NF1: variants seen among roughly 807,000 people sequenced by gnomAD.
NF1 encodes neurofibromin 1.
Under a neutral mutation model 325.7 loss-of-function variants are expected in NF1, and 122 were observed. The observed-to-expected ratio is 0.37, with a 90% CI of 0.32 to 0.44. The LOEUF (loss-of-function observed/expected upper bound fraction) is 0.44. NF1 is among the 20% of genes least tolerant of loss of function. NF1 has a pLI of 1.00. For missense variants in NF1, 2,140 were observed against 3,415.4 expected (o/e 0.63, Z 9.31); for synonymous variants, 1,091 against 1,186.0 (o/e 0.92, Z 1.65).
At chr17:31,178,727 A>G (rs975582496) in intron 5 of NF1, among the ~76,000 whole-genome samples, 4 of 152,202 alleles carry the variant, frequency 2.6e-5, no homozygotes, top group African/African-American at 9.7e-5. Flanking sequence ...CTCTGATAAA[A>G]CAGACTTTAA....
chr17:31,213,811 G>A (rs2066772212), intron 12 of NF1, among the ~76,000 whole-genome samples: 1 of 152,142 alleles, frequency 6.6e-6, no homozygotes, highest in Non-Finnish European at 1.5e-5. Flanking sequence ...CTTAAAAGAG[G>A]TGGAGTGCCG....
Position 31,374,198 on chromosome 17 carries a change from C to G in NF1, c.*43C>G, listed in dbSNP as rs2151601804. 2 of 1,612,904 alleles carry G rather than the reference C, an allele frequency of 1.2e-6. No individual in the cohort carries two copies. The highest frequency in any genetic ancestry group is 1.7e-6 in the Non-Finnish European group (2 of 1,179,096). On this transcript the variant is annotated 3_prime_UTR_variant, in exon 58 of 58. Coordinates refer to ENST00000358273, the MANE Select transcript of NF1 (RefSeq NM_001042492.3). ...TTTTAAAATCAACTTAACATGGGCT[C>G]TTCACTAGTGACCCCTTCCCTGTCC...
intron 33 of NF1, among the ~76,000 whole-genome samples, chr17:31,259,568 C>A (rs8079598): frequency 0.019 from 2,887 of 152,124 alleles, 103 homozygotes; most frequent in African/African-American, 0.066. Context: ...TAAACCAAGT[C>A]AAACAAACAC....
At chr17:31,247,233 G>GAAT (rs1243500340) in intron 29 of NF1, among the ~76,000 whole-genome samples, 1 of 150,454 alleles carries the variant, frequency 6.6e-6, no homozygotes, top group African/African-American at 2.5e-5. Context: ...TGGATATGGG[G>GAAT]AATAATGAAG....
At chr17:31,293,208 A>AAAAAAAAAAAAAAAG (rs2068385302) in intron 36 of NF1, among the ~76,000 whole-genome samples, 1 of 138,534 alleles carries the variant, frequency 7.2e-6, no homozygotes, top group Non-Finnish European at 1.5e-5. Context: ...AAAAAAAAAA[A>AAAAAAAAAAAAAAAG]AAAGAAACCT....
chr17:31,229,749 G>A (rs2151430209), intron 21 of NF1, 86 bp from the exon 22 acceptor site: 1 of 1,532,376 alleles, frequency 6.5e-7, no homozygotes, highest in Non-Finnish European at 9.0e-7. Flanking sequence ...TACTCTGTGT[G>A]TTTAGATCAG....
At chr17:31,279,884 G>A (rs905039567) in intron 36 of NF1, among the ~76,000 whole-genome samples, 4 of 152,246 alleles carry the variant, frequency 2.6e-5, no homozygotes, top group African/African-American at 7.2e-5. Context: ...ATTTTGGCTT[G>A]TTGTCACTTA....
intron 29 of NF1, among the ~76,000 whole-genome samples, chr17:31,247,637 C>T (rs1236842950): frequency 6.6e-6 from 1 of 152,146 alleles, no homozygotes; most frequent in East Asian, 1.9e-4. Flanking sequence ...GTTATATCTG[C>T]ATATACTCAA....
intron 36 of NF1, chr17:31,318,692 G>T (rs1352496812): frequency 5.8e-5 from 93 of 1,613,956 alleles, no homozygotes; most frequent in Non-Finnish European, 7.5e-5. Context: ...TCAATGCTCT[G>T]TACTGTTGAA....
chr17:31,342,510 C>G (rs946737731), intron 47 of NF1, among the ~76,000 whole-genome samples: 5 of 152,262 alleles, frequency 3.3e-5, no homozygotes, highest in African/African-American at 9.6e-5. Flanking sequence ...GGGAAGATCT[C>G]TTGAACCCAG....
rs182567894 is a variant in NF1 at position 31,330,734 on chromosome 17, G to A, written c.5812+236G>A. 24 of 541,684 alleles carry A rather than the reference G, an allele frequency of 4.4e-5. No individual in the cohort carries two copies. In the East Asian group the frequency reaches 7.5e-4, roughly 17 times the overall value. 33.6% of individuals were successfully genotyped at this position (541,684 alleles called of 1,614,324 possible). On this transcript the variant is annotated intron_variant, in intron 39 of 57. Coordinates refer to ENST00000358273, the MANE Select transcript of NF1 (RefSeq NM_001042492.3). ...AATAAAAGCAAAGCGGCAAGAGTTT[G>A]GTACTTTACACACCTCTGGACCACT...
intron 57 of NF1, among the ~76,000 whole-genome samples, chr17:31,370,711 T>A (rs114592445): frequency 0.01 from 1,538 of 152,110 alleles, 28 homozygotes; most frequent in African/African-American, 0.035. Context: ...CCCCTCAGAG[T>A]AGGCCATGGT....
Position 31,195,561 on chromosome 17 carries a change from C to T in NF1, c.889-4861C>T, listed in dbSNP as rs1314298654. Among the ~76,000 whole-genome samples the T allele has an allele frequency of 1.4e-4, 21 of 152,196 alleles. No individual in the cohort carries two copies. In the Middle Eastern group the frequency reaches 0.01, roughly 74 times the overall value. On this transcript the variant is annotated intron_variant, in intron 8 of 57. Transcript: ENST00000358273. ...TTCCCTACCCTCAACTCCTGGCAAC[C>T]GTCCTTTTACTTTCTGTCTCTCTGA... is the stretch of plus-strand genomic sequence containing the variant.
At chr17:31,278,493 CTTTTTTTTTTTTTT>C (rs200450821) in intron 36 of NF1, among the ~76,000 whole-genome samples, 40 of 15,336 alleles carry the variant, frequency 2.6e-3, no homozygotes, top group African/African-American at 5.9e-3. Flanking sequence ...GTAATTGAAG[CTTTTTTTTTTTTTT>C]TTTTTTTTTT....
At chr17:31,359,105 A>C (rs2070343698) in intron 56 of NF1, 90 bp downstream of exon 56, 1 of 1,023,836 alleles carries the variant, frequency 9.8e-7, no homozygotes, top group Admixed American at 2.1e-5. Flanking sequence ...CAATGTGCTG[A>C]AAACCAGAAA....
chr17:31,361,081 C>CAAAAAAAAAAAAAAAAAAAA (rs60249232), intron 57 of NF1: 30 of 46,546 alleles, frequency 6.4e-4, no homozygotes, highest in Admixed American at 1.1e-3. Flanking sequence ...CATACTATAT[C>CAAAAAAAAAAAAAAAAAAAA]AAAAAAAAAA....
chr17:31,105,133 C>G (rs540215265), intron 1 of NF1, among the ~76,000 whole-genome samples: 101 of 151,778 alleles, frequency 6.7e-4, no homozygotes, highest in Non-Finnish European at 1.2e-3. Context: ...CTCTTGGCCT[C>G]AAGCAGTCTT....
At chr17:31,149,414 T>C (rs936052546) in intron 1 of NF1, among the ~76,000 whole-genome samples, 2 of 152,100 alleles carry the variant, frequency 1.3e-5, no homozygotes, top group Admixed American at 1.3e-4. Context: ...TTATCATGCC[T>C]CAGCCTCCCA....
At chr17:31,153,380 C>G (rs919852477) in intron 1 of NF1, among the ~76,000 whole-genome samples, 1 of 152,232 alleles carries the variant, frequency 6.6e-6, no homozygotes, top group African/African-American at 2.4e-5. Flanking sequence ...ACAGCAAATC[C>G]TATTAGACAG....
Sources: allele counts gnomAD v4.1 joint callset (sites outside exome capture counted in the v4.1 genomes callset), GRCh38; gene constraint gnomAD v4.1.1; transcripts MANE v1.5; gene names NCBI Gene and HGNC (gene_info 2026-07-23, HGNC 2026-07-21).